SEM1: variants seen among roughly 807,000 people sequenced by gnomAD.
SEM1 encodes the protein SEM1 26S proteasome subunit, also known as 26S proteasome complex subunit SEM1.
Under a neutral mutation model 12.7 loss-of-function variants are expected in SEM1, and 3 were observed. The observed-to-expected ratio is 0.24, with a 90% CI of 0.11 to 0.61. The LOEUF (loss-of-function observed/expected upper bound fraction) is 0.61. SEM1 is among the 20% of genes least tolerant of loss of function. The probability of loss-of-function intolerance (pLI) is 0.88; values close to 1 mark genes in which losing one functional copy is unlikely to be tolerated. For synonymous variants in SEM1, 30 were observed against 27.8 expected (o/e 1.08, Z -0.25); for missense variants, 59 against 81.3 (o/e 0.73, Z 1.06).
intron 2 of SEM1, among the ~76,000 whole-genome samples, chr7:96,661,223 G>C (rs904313676): frequency 2.4e-4 from 36 of 152,192 alleles, no homozygotes; most frequent in South Asian, 6.2e-4. Context: ...ACTATCCTTT[G>C]CTACTTCTCA....
At chr7:96,597,140 C>T (rs775109897) in intron 2 of SEM1, among the ~76,000 whole-genome samples, 2 of 152,122 alleles carry the variant, frequency 1.3e-5, no homozygotes, top group Non-Finnish European at 2.9e-5. Context: ...TGCCACTGAG[C>T]ATACTGTCAT....
At chr7:96,553,913 C>T (rs1052300960) in intron 2 of SEM1, among the ~76,000 whole-genome samples, 1 of 152,090 alleles carries the variant, frequency 6.6e-6, no homozygotes, top group African/African-American at 2.4e-5. Flanking sequence ...TCCTTCACAT[C>T]CCTTGTAAGT....
intron 1 of SEM1, among the ~76,000 whole-genome samples, chr7:96,495,611 A>C (rs1413112982): frequency 1.3e-5 from 2 of 152,204 alleles, no homozygotes; most frequent in Admixed American, 6.5e-5. Context: ...GTTGACAGAC[A>C]GCTTGTCAGG....
intron 2 of SEM1, chr7:96,622,693 A>C (rs1185998460): frequency 1.3e-6 from 1 of 752,864 alleles, no homozygotes; most frequent in South Asian, 1.4e-5. Flanking sequence ...AACACCTATT[A>C]GCCTCAAATT....
intron 2 of SEM1, among the ~76,000 whole-genome samples, chr7:96,506,926 T>A (rs1017756852): frequency 1.3e-5 from 2 of 152,016 alleles, no homozygotes; most frequent in Non-Finnish European, 2.9e-5. Flanking sequence ...AAACTTAGAA[T>A]ATGAACAGGA....
chr7:96,568,037 C>G (rs12704861), intron 2 of SEM1, among the ~76,000 whole-genome samples: 1 of 151,270 alleles, frequency 6.6e-6, no homozygotes, highest in African/African-American at 2.4e-5. Flanking sequence ...AGTTTTTCTT[C>G]GATCTCTGCT....
intron 2 of SEM1, among the ~76,000 whole-genome samples, chr7:96,566,311 T>C (rs1805841807): frequency 6.6e-6 from 1 of 151,714 alleles, no homozygotes; most frequent in Non-Finnish European, 1.5e-5. Flanking sequence ...CATGTTTTAG[T>C]ATGTCAATCT....
At chr7:96,553,520 T>C (rs1187619611) in intron 2 of SEM1, among the ~76,000 whole-genome samples, 2 of 151,960 alleles carry the variant, frequency 1.3e-5, no homozygotes, top group African/African-American at 4.8e-5. Flanking sequence ...TGCAGCATTA[T>C]TTCTGAGGGC....
intron 1 of SEM1, among the ~76,000 whole-genome samples, chr7:96,492,632 T>G (rs1214707333): frequency 1.4e-5 from 2 of 146,648 alleles, no homozygotes; most frequent in Non-Finnish European, 3.0e-5. Context: ...GGTTTCACCA[T>G]GTTGGCCAGG....
chr7:96,595,823 T>C (rs1806979449), intron 2 of SEM1, among the ~76,000 whole-genome samples: 1 of 152,234 alleles, frequency 6.6e-6, no homozygotes, highest in Non-Finnish European at 1.5e-5. Flanking sequence ...AGACTCATCA[T>C]AACCTGAAGT....
chr7:96,492,759 A>ATGTGTGTGTGTG (rs138520257), intron 1 of SEM1, among the ~76,000 whole-genome samples: 4 of 142,992 alleles, frequency 2.8e-5, no homozygotes, highest in African/African-American at 8.0e-5. Context: ...AATAATATTC[A>ATGTGTGTGTGTG]TGTGTGTGTG....
chr7:96,584,443 GT>G (rs1334162727), intron 2 of SEM1, among the ~76,000 whole-genome samples: 1 of 151,928 alleles, frequency 6.6e-6, no homozygotes, highest in African/African-American at 2.4e-5. Flanking sequence ...ACAATTATGT[GT>G]CTTGGAGTTG....
At chr7:96,593,824 T>C (rs925976835) in intron 2 of SEM1, among the ~76,000 whole-genome samples, 1 of 152,176 alleles carries the variant, frequency 6.6e-6, no homozygotes, top group Non-Finnish European at 1.5e-5. Context: ...TTTCAAATCT[T>C]TCAATTCTAC....
intron 2 of SEM1, among the ~76,000 whole-genome samples, chr7:96,603,480 G>A (rs1323681736): frequency 2.0e-5 from 3 of 152,158 alleles, no homozygotes; most frequent in Admixed American, 6.5e-5. Flanking sequence ...CTCATTGAGA[G>A]AGAATGGTCA....
chr7:96,651,948 AG>A (rs1809003319), intron 2 of SEM1, among the ~76,000 whole-genome samples: 1 of 152,204 alleles, frequency 6.6e-6, no homozygotes, highest in African/African-American at 2.4e-5. Flanking sequence ...CTTTATTCAG[AG>A]GCTTTAGAGC....
At chr7:96,623,989 T>TAGGGCCCACTGGGATA (rs1229046070) in intron 2 of SEM1, among the ~76,000 whole-genome samples, 4 of 152,152 alleles carry the variant, frequency 2.6e-5, no homozygotes, top group African/African-American at 7.2e-5. Context: ...TCCTTGGATT[T>TAGGGCCCACTGGGATA]AGGGCCCACT....
At chr7:96,657,469 G>A (rs1160839159) in intron 2 of SEM1, among the ~76,000 whole-genome samples, 2 of 152,182 alleles carry the variant, frequency 1.3e-5, no homozygotes, top group South Asian at 2.1e-4. Context: ...AAGTAAAAGA[G>A]GGATTAAAAT....
intron 2 of SEM1, among the ~76,000 whole-genome samples, chr7:96,666,530 T>C (rs1789176328): frequency 6.6e-6 from 1 of 152,176 alleles, no homozygotes; most frequent in Admixed American, 6.5e-5. Flanking sequence ...AGCTGTAGTA[T>C]GATATTATAA....
At chr7:96,688,661 T>G, downstream of SEM1, 1 of 255,190 alleles carries the variant, frequency 3.9e-6, no homozygotes, top group Non-Finnish European at 7.2e-6. Flanking sequence ...AAAAAGAAAA[T>G]TTCATAATAT....
Sources: allele counts gnomAD v4.1 joint callset (sites outside exome capture counted in the v4.1 genomes callset), GRCh38; gene constraint gnomAD v4.1.1; transcripts MANE v1.5; gene names NCBI Gene and HGNC (gene_info 2026-07-23, HGNC 2026-07-21).